Variants in HNRNPC observed in about 807,000 individuals in gnomAD.
HNRNPC encodes heterogeneous nuclear ribonucleoprotein C.
In HNRNPC, 3 loss-of-function variants were observed where a neutral mutation model predicts 33.2. The ratio of observed to expected loss-of-function variants is 0.09; its 90% confidence interval spans 0.04 to 0.23. The LOEUF is 0.23. HNRNPC is among the 10% of genes least tolerant of loss of function. The probability of loss-of-function intolerance (pLI) is 1.00; values close to 1 mark genes in which losing one functional copy is unlikely to be tolerated. For missense variants in HNRNPC, 143 were observed against 366.7 expected, an observed-to-expected ratio of 0.39 and a Z score of 4.98; for synonymous variants, 121 against 126.7, an observed-to-expected ratio of 0.96 and a Z score of 0.30.
chr14:21,218,061 TTTC>T (rs1892389908), intron 5 of HNRNPC, among the ~76,000 whole-genome samples: 1 of 152,124 alleles, frequency 6.6e-6, no homozygotes, highest in Non-Finnish European at 1.5e-5. Context: ...ATCCCTGGCT[TTTC>T]TTGTTTATAT....
chr14:21,210,960 T>C lies in HNRNPC; in HGVS notation c.*263A>G. The stretch of plus-strand genomic sequence containing the variant: ...GATAAAAACCATACATCCTTTTTAT[T>C]GTTAAGTCATAAAGAGGTATCAAAA... On this transcript the variant is annotated 3_prime_UTR_variant, in exon 9 of 9. Coordinates refer to ENST00000553300, the MANE Select transcript of HNRNPC (RefSeq NM_004500.4). 2.0e-6 allele frequency: 1 copy of C among 489,354 alleles called. No homozygotes were observed. 30.3% of individuals were successfully genotyped at this position (489,354 alleles called of 1,614,324 possible).
chr14:21,232,909 T>C (rs938951173), intron 3 of HNRNPC, among the ~76,000 whole-genome samples: 9 of 152,042 alleles, frequency 5.9e-5, no homozygotes, highest in African/African-American at 2.2e-4. Flanking sequence ...TGGTGGCACA[T>C]GCCTGTAGTA....
chr14:21,264,786 T>G (rs1324780248), intron 1 of HNRNPC: 2 of 152,210 alleles, frequency 1.3e-5, no homozygotes, highest in Non-Finnish European at 2.9e-5. Flanking sequence ...CCCAACACTT[T>G]GGGAGGCCAG....
intron 2 of HNRNPC, among the ~76,000 whole-genome samples, chr14:21,247,540 C>T (rs1007840376): frequency 5.3e-5 from 8 of 151,838 alleles, no homozygotes; most frequent in African/African-American, 1.5e-4. Flanking sequence ...TTTTGTACCC[C>T]GAAAAGTTAC....
chr14:21,260,960 C>CA (rs71112564), intron 2 of HNRNPC, among the ~76,000 whole-genome samples: 1,590 of 88,322 alleles, frequency 0.018, 26 homozygotes, highest in East Asian at 0.072. Flanking sequence ...GAGACTGTCT[C>CA]AAAAAAAAAA....
rs1475378433 is a variant in HNRNPC, at chr14:21,211,062, C to T, written c.*161G>A. ...AAGGAAGTGAAAATGGGACTAGGCG[C>T]GGGGCAATATGAATTAATGAACATG... On this transcript the variant is annotated 3_prime_UTR_variant, in exon 9 of 9. Coordinates refer to ENST00000553300, the MANE Select transcript of HNRNPC (RefSeq NM_004500.4). 9.2e-6 allele frequency: 7 copies of T among 764,944 alleles called. No individual in the cohort carries two copies. The highest frequency in any genetic ancestry group is 1.3e-5 in the Non-Finnish European group (6 of 468,908). The allele number at this position is 764,944 out of a possible 1,614,324, so 47.4% of individuals were successfully genotyped here. A position where few individuals can be genotyped will look rare whatever the true frequency, so the allele number is the denominator to read the frequency against.
intron 1 of HNRNPC, chr14:21,265,031 T>C (rs1354766990): frequency 6.6e-6 from 1 of 152,138 alleles, no homozygotes; most frequent in Non-Finnish European, 1.5e-5. Context: ...AAATTTTTAA[T>C]TGAGCTTTTA....
chr14:21,226,552 C>T (rs1463129786), intron 5 of HNRNPC, among the ~76,000 whole-genome samples: 1 of 146,510 alleles, frequency 6.8e-6, no homozygotes, highest in Non-Finnish European at 1.5e-5. Flanking sequence ...AAACCAGCGC[C>T]TTCAAATGAA....
chr14:21,266,920 G>A (rs888494858), intron 1 of HNRNPC, among the ~76,000 whole-genome samples: 1 of 149,084 alleles, frequency 6.7e-6, no homozygotes, highest in African/African-American at 2.5e-5. Flanking sequence ...GTGAAACCCC[G>A]TCTCTACTAA....
chr14:21,265,380 T>A lies in HNRNPC; in HGVS notation c.-62-2044A>T, dbSNP rs1466693008. On this transcript the variant is annotated intron_variant, in intron 1 of 8. Transcript: ENST00000553300. ...GTGCCACAAGACATAAGCTTAAAAATAAAGAAAAATGTGAAAAGAAACCAA... is the reference window on the plus strand; with the variant it reads ...GTGCCACAAGACATAAGCTTAAAAAAAAAGAAAAATGTGAAAAGAAACCAA... 4.6e-5 allele frequency: 7 copies of A among 152,114 alleles called. No individual in the cohort carries two copies. In the East Asian group the frequency reaches 1.3e-3, roughly 29 times the overall value. 9.4% of individuals were successfully genotyped at this position (152,114 alleles called of 1,614,324 possible). A position where few individuals can be genotyped will look rare whatever the true frequency, so the allele number is the denominator to read the frequency against.
chr14:21,250,536 A>T (rs1188375046), intron 2 of HNRNPC, among the ~76,000 whole-genome samples: 2 of 152,210 alleles, frequency 1.3e-5, no homozygotes, highest in Non-Finnish European at 2.9e-5. Context: ...AAGATATATG[A>T]TCTGCATTAA....
chr14:21,239,717 T>C (rs930180261), intron 2 of HNRNPC, among the ~76,000 whole-genome samples: 2 of 151,864 alleles, frequency 1.3e-5, no homozygotes, highest in Non-Finnish European at 2.9e-5. Context: ...CTACTAAAAA[T>C]ACAAAAACTA....
At chr14:21,232,728 C>T (rs568606293) in intron 3 of HNRNPC, among the ~76,000 whole-genome samples, 1 of 152,266 alleles carries the variant, frequency 6.6e-6, no homozygotes, top group East Asian at 1.9e-4. Context: ...AGCAGCTCAT[C>T]AAATGACCAA....
chr14:21,240,833 A>G (rs7161178), intron 2 of HNRNPC, among the ~76,000 whole-genome samples: 34 of 152,062 alleles, frequency 2.2e-4, no homozygotes, highest in South Asian at 8.3e-4. Flanking sequence ...ACATTATCCA[A>G]TGGTCCAGGA....
At chr14:21,215,846 C>CTGAG (rs1228643436) in intron 5 of HNRNPC, among the ~76,000 whole-genome samples, 4 of 144,762 alleles carry the variant, frequency 2.8e-5, no homozygotes, top group Non-Finnish European at 5.9e-5. Flanking sequence ...TTGCAGTGAG[C>CTGAG]TGAGATCATT....
At chr14:21,246,479 T>C (rs570479895) in intron 2 of HNRNPC, among the ~76,000 whole-genome samples, 11 of 149,152 alleles carry the variant, frequency 7.4e-5, no homozygotes, top group Non-Finnish European at 1.0e-4. Context: ...GGCAGGAAAA[T>C]GGCGTGAACC....
At chr14:21,220,955 C>T (rs1005155158) in intron 5 of HNRNPC, among the ~76,000 whole-genome samples, 3 of 152,018 alleles carry the variant, frequency 2.0e-5, no homozygotes, top group African/African-American at 7.2e-5. Context: ...GGTATGGTGG[C>T]GCGCCGGTAT....
intron 2 of HNRNPC, among the ~76,000 whole-genome samples, chr14:21,237,942 T>C (rs1278051899): frequency 6.6e-6 from 1 of 152,138 alleles, no homozygotes; most frequent in Non-Finnish European, 1.5e-5. Flanking sequence ...CGGCTAATTT[T>C]GTATTTTTAG....
chr14:21,242,645 G>C (rs77055831), intron 2 of HNRNPC, among the ~76,000 whole-genome samples: 800 of 152,262 alleles, frequency 5.3e-3, no homozygotes, highest in Middle Eastern at 0.017. Flanking sequence ...ATTACATAGG[G>C]GGAAAATGTA....
Sources: allele counts gnomAD v4.1 joint callset (sites outside exome capture counted in the v4.1 genomes callset), GRCh38; gene constraint gnomAD v4.1.1; transcripts MANE v1.5; gene names NCBI Gene and HGNC (gene_info 2026-07-23, HGNC 2026-07-21).